The following IP6K1 variants were observed in gnomAD, a reference collection of about 807,000 sequenced individuals.
IP6K1 encodes inositol hexakisphosphate kinase 1, also known as ATP:1D-myo-inositol-hexakisphosphate phosphotransferase.
IP6K1 carries 13 observed loss-of-function variants against 38.3 expected under a neutral mutation model. That is an observed-to-expected ratio of 0.34 (90% CI 0.22 to 0.54). IP6K1 has a LOEUF of 0.54. Ranked by LOEUF, IP6K1 falls within the 20% of genes least tolerant of loss-of-function variation. The pLI, the probability that IP6K1 is intolerant of heterozygous loss-of-function variation, is 0.92. For missense variants in IP6K1, 397 were observed against 599.8 expected (o/e 0.66, Z 3.53); for synonymous variants, 212 against 229.9 (o/e 0.92, Z 0.70).
intron 1 of IP6K1, among the ~76,000 whole-genome samples, chr3:49,774,584 G>T (rs1278557958): frequency 6.6e-6 from 1 of 152,048 alleles, no homozygotes; most frequent in Non-Finnish European, 1.5e-5. Flanking sequence ...GTAAAACAAT[G>T]AAATATTACA....
At chr3:49,779,898 G>A (rs1034152027) in intron 1 of IP6K1, among the ~76,000 whole-genome samples, 1 of 151,834 alleles carries the variant, frequency 6.6e-6, no homozygotes, top group African/African-American at 2.4e-5. Flanking sequence ...ATGTTGCCCA[G>A]GCTGGTCTCA....
chr3:49,773,279 C>T (rs974236917), intron 1 of IP6K1, among the ~76,000 whole-genome samples: 3 of 152,160 alleles, frequency 2.0e-5, no homozygotes, highest in Non-Finnish European at 2.9e-5. Context: ...GCACCAAGGT[C>T]AGCACTTACT....
chr3:49,784,702 T>C (rs2081095943), intron 1 of IP6K1, among the ~76,000 whole-genome samples: 1 of 148,536 alleles, frequency 6.7e-6, no homozygotes, highest in African/African-American at 2.5e-5. Context: ...ATCCCAACAA[T>C]TTGGGAGGCG....
chr3:49,775,685 C>G (rs1021656445), intron 1 of IP6K1: 3 of 479,684 alleles, frequency 6.3e-6, no homozygotes, highest in Admixed American at 3.3e-5. Context: ...CTGCTACTCC[C>G]GGCAGAAAGG....
At chr3:49,763,853 T>C (rs2108251817) in intron 1 of IP6K1, among the ~76,000 whole-genome samples, 1 of 151,308 alleles carries the variant, frequency 6.6e-6, no homozygotes, top group Middle Eastern at 3.5e-3. Flanking sequence ...CCGTCTCTAC[T>C]AAAAATAAAT....
intron 1 of IP6K1, among the ~76,000 whole-genome samples, chr3:49,781,263 A>G (rs1244890238): frequency 1.3e-5 from 2 of 152,122 alleles, no homozygotes; most frequent in Non-Finnish European, 2.9e-5. Flanking sequence ...GAGTTTCACC[A>G]TGTTGGCTAG....
At chr3:49,780,917 AG>A (rs2081059937) in intron 1 of IP6K1, among the ~76,000 whole-genome samples, 1 of 152,192 alleles carries the variant, frequency 6.6e-6, no homozygotes. Flanking sequence ...TAATTACAAA[AG>A]GTGTTTCCAA....
At chr3:49,729,739 A>AT (rs952238632) in intron 4 of IP6K1, among the ~76,000 whole-genome samples, 10 of 136,742 alleles carry the variant, frequency 7.3e-5, no homozygotes, top group Admixed American at 5.1e-4. Context: ...ATTTTTTATT[A>AT]TTTTTTTTGA....
chr3:49,747,815 G>A lies in IP6K1; in HGVS notation c.223+3C>T, dbSNP rs1422344230. 6 of 1,613,966 alleles carry A rather than the reference G, an allele frequency of 3.7e-6. No homozygotes were observed. The highest frequency in any genetic ancestry group is 5.1e-6 in the Non-Finnish European group (6 of 1,179,960). On this transcript the variant is annotated splice_donor_region_variant and intron_variant, in intron 2 of 5. Coordinates refer to ENST00000321599, the MANE Select transcript of IP6K1 (RefSeq NM_153273.4). The stretch of plus-strand genomic sequence containing the variant: ...GCTTTCATTAAACTGGCCAGTGACT[G>A]ACCTTTGTATTCAGGGGTGAACTCC...
At chr3:49,773,874 T>C (rs1053511297) in intron 1 of IP6K1, among the ~76,000 whole-genome samples, 3 of 151,916 alleles carry the variant, frequency 2.0e-5, no homozygotes, top group Non-Finnish European at 2.9e-5. Context: ...TTTCAGAATA[T>C]TCACTAGCTA....
At chr3:49,760,516 C>T (rs571499471) in intron 1 of IP6K1, among the ~76,000 whole-genome samples, 8 of 150,866 alleles carry the variant, frequency 5.3e-5, no homozygotes, top group Non-Finnish European at 8.8e-5. Flanking sequence ...CCCAGCTACT[C>T]GTGAGGCTGA....
At chr3:49,762,294 G>A (rs957398381) in intron 1 of IP6K1, among the ~76,000 whole-genome samples, 5 of 152,110 alleles carry the variant, frequency 3.3e-5, no homozygotes, top group African/African-American at 9.6e-5. Context: ...CTGCAATCCC[G>A]GTACTTTGGG....
intron 1 of IP6K1, among the ~76,000 whole-genome samples, chr3:49,777,506 T>C (rs1167776777): frequency 1.3e-5 from 2 of 149,398 alleles, no homozygotes; most frequent in African/African-American, 4.9e-5. Flanking sequence ...GAGGTTACAG[T>C]GAGTGGAGAT....
chr3:49,763,609 C>G (rs1037720783), intron 1 of IP6K1, among the ~76,000 whole-genome samples: 13 of 152,054 alleles, frequency 8.5e-5, no homozygotes, highest in Non-Finnish European at 1.6e-4. Context: ...AAGAATCAAT[C>G]AGTATTACTA....
At chr3:49,745,613 G>T (rs1575311917) in intron 2 of IP6K1, among the ~76,000 whole-genome samples, 2 of 152,168 alleles carry the variant, frequency 1.3e-5, no homozygotes, top group East Asian at 3.8e-4. Flanking sequence ...CCAGCATTTT[G>T]GGAGGCCAAG....
chr3:49,769,483 T>G (rs1206095935), intron 1 of IP6K1, among the ~76,000 whole-genome samples: 10 of 152,222 alleles, frequency 6.6e-5, no homozygotes, highest in Admixed American at 2.0e-4. Context: ...TTGGGATTTT[T>G]GCCAGCGACA....
intron 1 of IP6K1, among the ~76,000 whole-genome samples, chr3:49,770,838 T>C (rs2080951588): frequency 6.6e-6 from 1 of 151,952 alleles, no homozygotes; most frequent in Admixed American, 6.6e-5. Flanking sequence ...TGAGATGGAG[T>C]CTTGATCACA....
chr3:49,737,293 T>A (rs948503432), intron 3 of IP6K1, among the ~76,000 whole-genome samples: 1 of 152,166 alleles, frequency 6.6e-6, no homozygotes, highest in African/African-American at 2.4e-5. Flanking sequence ...GTAGGAGGGT[T>A]CCATTTCTTC....
chr3:49,783,481 G>A (rs1397743805), intron 1 of IP6K1, among the ~76,000 whole-genome samples: 2 of 152,018 alleles, frequency 1.3e-5, no homozygotes, highest in Non-Finnish European at 2.9e-5. Flanking sequence ...GGGAGGCCGA[G>A]GTAGACGGAT....
Sources: allele counts gnomAD v4.1 joint callset (sites outside exome capture counted in the v4.1 genomes callset), GRCh38; gene constraint gnomAD v4.1.1; transcripts MANE v1.5; gene names NCBI Gene and HGNC (gene_info 2026-07-23, HGNC 2026-07-21).